TFAP2D: variants seen among roughly 807,000 people sequenced by gnomAD.
The protein encoded by TFAP2D is transcription factor AP-2 delta.
TFAP2D carries 9 observed loss-of-function variants against 43.6 expected under a neutral mutation model. The ratio of observed to expected loss-of-function variants is 0.21; its 90% CI spans 0.12 to 0.36. The LOEUF is 0.36. Ranked by LOEUF, TFAP2D falls within the 10% of genes least tolerant of loss-of-function variation. TFAP2D has a pLI of 1.00. For missense variants in TFAP2D, 513 were observed against 561.4 expected (o/e 0.91, Z 0.87); for synonymous variants, 256 against 224.9 (o/e 1.14, Z -1.24).
chr6:50,752,509 T>C (rs1439956161), intron 7 of TFAP2D, among the ~76,000 whole-genome samples: 1 of 151,938 alleles, frequency 6.6e-6, no homozygotes, highest in Non-Finnish European at 1.5e-5. Flanking sequence ...TCAAAAATTG[T>C]AAAGCTGTTG....
At chr6:50,718,947 GC>G (rs1427202866) in intron 2 of TFAP2D, 142 bp from the exon 3 acceptor site, 4 of 736,800 alleles carry the variant, frequency 5.4e-6, no homozygotes, top group Non-Finnish European at 8.7e-6. Flanking sequence ...GTGTTTGCTG[GC>G]AAGCTTGCTT....
chr6:50,722,648 A>T (rs1466795724), intron 3 of TFAP2D, among the ~76,000 whole-genome samples: 1 of 152,116 alleles, frequency 6.6e-6, no homozygotes, highest in African/African-American at 2.4e-5. Flanking sequence ...GATGAAGCTC[A>T]TAATAAATGG....
At chr6:50,751,081 T>G in intron 6 of TFAP2D, 130 bp from the exon 7 acceptor site, 2 of 632,408 alleles carry the variant, frequency 3.2e-6, no homozygotes, top group Non-Finnish European at 5.5e-6. Context: ...ATGGAACTTT[T>G]GAGGTTGCTT....
intron 2 of TFAP2D, among the ~76,000 whole-genome samples, chr6:50,716,009 T>G (rs1002015819): frequency 2.6e-5 from 4 of 152,106 alleles, no homozygotes; most frequent in African/African-American, 7.2e-5. Flanking sequence ...CAGAGTAAGA[T>G]CCAATAAATT....
At chr6:50,733,986 A>ATG (rs34213110) in intron 5 of TFAP2D, among the ~76,000 whole-genome samples, 11,258 of 141,538 alleles carry the variant, frequency 0.08, 631 homozygotes, top group African/African-American at 0.17. Context: ...CTTTCTGTGT[A>ATG]TGTGTGTGTG....
rs759741197 is a variant in TFAP2D, at chr6:50,729,035, A to T, written c.764+14A>T. ...CATTTTGAGAAGGTAAGACAAAGCT[A>T]TATTCTGGCACAGAATTTCTGCTAA... On this transcript the variant is annotated intron_variant, in intron 4 of 7. Coordinates refer to ENST00000008391, the MANE Select transcript of TFAP2D (RefSeq NM_172238.4). The T allele has an allele frequency of 6.2e-7, 1 of 1,612,940 alleles. No homozygotes were observed. The highest frequency in any genetic ancestry group is 1.7e-5 in the Admixed American group (1 of 59,952).
At chr6:50,760,313 T>G (rs1176693595) in intron 7 of TFAP2D, among the ~76,000 whole-genome samples, 2 of 152,080 alleles carry the variant, frequency 1.3e-5, no homozygotes, top group African/African-American at 4.8e-5. Flanking sequence ...GGAGACATAC[T>G]GATTTTTTTC....
At chr6:50,757,270 A>G (rs943426979) in intron 7 of TFAP2D, among the ~76,000 whole-genome samples, 1 of 145,560 alleles carries the variant, frequency 6.9e-6, no homozygotes, top group Admixed American at 7.0e-5. Context: ...CTATATATAC[A>G]GAATATGTAT....
chr6:50,758,922 G>T (rs747850486), intron 7 of TFAP2D, among the ~76,000 whole-genome samples: 1 of 151,994 alleles, frequency 6.6e-6, no homozygotes, highest in African/African-American at 2.4e-5. Context: ...CTAGGAGAAG[G>T]TTCAGAAGCC....
chr6:50,736,988 T>G (rs940109812), intron 5 of TFAP2D, among the ~76,000 whole-genome samples: 1 of 152,194 alleles, frequency 6.6e-6, no homozygotes, highest in Non-Finnish European at 1.5e-5. Flanking sequence ...TTGTTTTGTT[T>G]TGTTTTTAGA....
At chr6:50,742,954 A>AACACACACACACACACACACACAC (rs3060372) in intron 5 of TFAP2D, among the ~76,000 whole-genome samples, 11 of 139,704 alleles carry the variant, frequency 7.9e-5, no homozygotes, top group Non-Finnish European at 7.8e-5. Context: ...ACGACTTTAA[A>AACACACACACACACACACACACAC]ACACACACAC....
At position 50,713,725 on chromosome 6, in the gene TFAP2D, C is replaced by T. The variant is rs970589409; in HGVS notation, c.-331C>T. 2.1e-5 allele frequency: 8 copies of T among 379,778 alleles called. No individual in the cohort carries two copies. Among genetic ancestry groups the T allele is most frequent in the African/African-American group, 1.5e-4 (7 of 46,596 alleles). The allele number at this position is 379,778 out of a possible 1,614,324, so 23.5% of individuals were successfully genotyped here. A position where few individuals can be genotyped will look rare whatever the true frequency, so the allele number is the denominator to read the frequency against. ...GGATAAATCTCTTCTGCCTATTGTCCTCCCAGTTCTCAGTGCTGATGCTTA... is the reference window on the plus strand; with the variant it reads ...GGATAAATCTCTTCTGCCTATTGTCTTCCCAGTTCTCAGTGCTGATGCTTA... On this transcript the variant is annotated 5_prime_UTR_variant, in exon 1 of 8. Transcript: ENST00000008391.
chr6:50,723,354 A>C (rs1768759617), intron 3 of TFAP2D, among the ~76,000 whole-genome samples: 2 of 152,246 alleles, frequency 1.3e-5, no homozygotes, highest in African/African-American at 4.8e-5. Context: ...AGGAAGGCCC[A>C]GAGCCTTGGA....
In TFAP2D at chr6:50,714,006, T is replaced by A; in HGVS notation, c.-50T>A. ...GAAGTTTGGATTTTTTTTTCCCGAT[T>A]CTTTTTTTGGAGGGGGAAATTGCAT... is the stretch of plus-strand genomic sequence containing the variant. On this transcript the variant is annotated 5_prime_UTR_variant, in exon 1 of 8. Coordinates refer to ENST00000008391, the MANE Select transcript of TFAP2D (RefSeq NM_172238.4). The A allele has an allele frequency of 1.2e-6, 2 of 1,608,966 alleles. No homozygotes were observed. The highest frequency in any genetic ancestry group is 1.7e-6 in the Non-Finnish European group (2 of 1,178,482).
At chr6:50,752,358 G>A (rs551121403) in intron 7 of TFAP2D, among the ~76,000 whole-genome samples, 1 of 151,866 alleles carries the variant, frequency 6.6e-6, no homozygotes, top group East Asian at 1.9e-4. Context: ...AATTACTCAG[G>A]TGCCTTACAT....
chr6:50,750,822 A>G (rs920459971), intron 6 of TFAP2D, among the ~76,000 whole-genome samples: 4 of 152,030 alleles, frequency 2.6e-5, no homozygotes, highest in African/African-American at 7.2e-5. Context: ...CTGAAGTAAG[A>G]CTGTAACTTT....
At chr6:50,748,351 G>T (rs1040660343) in intron 6 of TFAP2D, among the ~76,000 whole-genome samples, 7 of 151,804 alleles carry the variant, frequency 4.6e-5, no homozygotes, top group Non-Finnish European at 5.9e-5. Flanking sequence ...TTACATCCTG[G>T]TCAGTTCACC....
chr6:50,760,217 G>A (rs1769343417), intron 7 of TFAP2D, among the ~76,000 whole-genome samples: 1 of 152,006 alleles, frequency 6.6e-6, no homozygotes. Flanking sequence ...AGAAGGTCTT[G>A]TGGGAAATGC....
intron 5 of TFAP2D, among the ~76,000 whole-genome samples, chr6:50,735,431 G>T (rs1023042265): frequency 6.6e-6 from 1 of 152,086 alleles, no homozygotes. Flanking sequence ...CCCTGAACAA[G>T]TTTCTTGAAC....
Sources: gnomAD v4.1 joint callset for allele counts (sites outside exome capture counted in the v4.1 genomes callset) on GRCh38, gnomAD v4.1.1 for gene constraint, MANE v1.5 for transcripts, NCBI Gene and HGNC (gene_info 2026-07-23, HGNC 2026-07-21) for gene names.